The following PACRG variants were observed in gnomAD, a reference collection of about 807,000 sequenced individuals.
PACRG encodes the protein parkin coregulated.
In PACRG, 29 loss-of-function variants were observed where a neutral mutation model predicts 29.7. The ratio of observed to expected loss-of-function variants is 0.98; its 90% confidence interval spans 0.73 to 1.33. The LOEUF (loss-of-function observed/expected upper bound fraction) is 1.33, where lower values mean the gene tolerates loss of function less well. PACRG is among the 40% of genes most tolerant of loss of function. PACRG has a pLI of 0.00. For synonymous variants in PACRG, 116 were observed against 118.7 expected (o/e 0.98, Z 0.15); for missense variants, 279 against 316.2 (o/e 0.88, Z 0.89).
intron 2 of PACRG, among the ~76,000 whole-genome samples, chr6:163,017,166 A>G (rs1187804535): frequency 1.3e-5 from 2 of 152,176 alleles, no homozygotes; most frequent in East Asian, 3.8e-4. Flanking sequence ...AACATTGTAT[A>G]AAAGAATAAG....
At chr6:162,793,728 T>G (rs1001357273) in intron 1 of PACRG, among the ~76,000 whole-genome samples, 3 of 152,238 alleles carry the variant, frequency 2.0e-5, no homozygotes, top group Admixed American at 6.5e-5. Context: ...TTTGGACTCT[T>G]TAGCAAATCT....
intron 2 of PACRG, among the ~76,000 whole-genome samples, chr6:163,054,850 A>C (rs985762942): frequency 2.6e-5 from 4 of 152,122 alleles, no homozygotes; most frequent in African/African-American, 4.8e-5. Flanking sequence ...CCCAGTGGGC[A>C]GGAAAGATGG....
rs980742217 is a variant in PACRG, at chr6:163,089,112, A to G, written c.464-147A>G. 3 of 730,654 alleles carry G rather than the reference A, an allele frequency of 4.1e-6. No homozygotes were observed. In the African/African-American group the frequency reaches 5.4e-5, roughly 13 times the overall value. The allele number at this position is 730,654 out of a possible 1,614,324, so 45.3% of individuals were successfully genotyped here. A position where few individuals can be genotyped will look rare whatever the true frequency, so the allele number is the denominator to read the frequency against. On this transcript the variant is annotated intron_variant, in intron 3 of 4. Coordinates refer to ENST00000366888, the MANE Select transcript of PACRG (RefSeq NM_001080379.2). ...TAAAACATTAGGGTTGCAATGTGTCATCCAAAGCTATAATAATAAAGGCCC... is the reference window on the plus strand; with the variant it reads ...TAAAACATTAGGGTTGCAATGTGTCGTCCAAAGCTATAATAATAAAGGCCC...
intron 4 of PACRG, among the ~76,000 whole-genome samples, chr6:163,185,994 C>G (rs909456638): frequency 6.6e-6 from 1 of 152,170 alleles, no homozygotes; most frequent in Non-Finnish European, 1.5e-5. Context: ...GTGCCCCCTC[C>G]TCTCTCTGTT....
intron 2 of PACRG, among the ~76,000 whole-genome samples, chr6:163,005,764 T>A (rs1424621152): frequency 4.0e-5 from 6 of 149,556 alleles, no homozygotes; most frequent in Non-Finnish European, 7.4e-5. Flanking sequence ...CTCTGAAATT[T>A]TATATATATA....
At chr6:163,115,690 T>C (rs1283853113) in intron 4 of PACRG, among the ~76,000 whole-genome samples, 1 of 152,166 alleles carries the variant, frequency 6.6e-6, no homozygotes, top group Admixed American at 6.5e-5. Context: ...ATGCATCTAC[T>C]GTAATTTATT....
intron 2 of PACRG, among the ~76,000 whole-genome samples, chr6:162,985,058 T>A (rs1281039479): frequency 6.6e-6 from 1 of 151,930 alleles, no homozygotes; most frequent in Non-Finnish European, 1.5e-5. Context: ...ATTGAAATGG[T>A]CATTTAAAAA....
chr6:163,125,822 C>A (rs1418790791), intron 4 of PACRG, among the ~76,000 whole-genome samples: 2 of 152,088 alleles, frequency 1.3e-5, no homozygotes, highest in Admixed American at 1.3e-4. Context: ...GGAAACTATC[C>A]CACAAGAAAT....
chr6:163,169,934 C>T (rs1347142543), intron 4 of PACRG, among the ~76,000 whole-genome samples: 2 of 152,198 alleles, frequency 1.3e-5, no homozygotes, highest in Non-Finnish European at 2.9e-5. Flanking sequence ...TGGACGGCCA[C>T]TTTCTCGCTG....
At chr6:162,759,206 G>T (rs1195259010) in intron 1 of PACRG, among the ~76,000 whole-genome samples, 2 of 152,154 alleles carry the variant, frequency 1.3e-5, no homozygotes, top group African/African-American at 4.8e-5. Flanking sequence ...AGCAGATTCC[G>T]TTGAAGAAAA....
intron 2 of PACRG, among the ~76,000 whole-genome samples, chr6:162,921,361 G>C (rs575685917): frequency 6.6e-6 from 1 of 152,294 alleles, no homozygotes; most frequent in South Asian, 2.1e-4. Context: ...TGTGGTCAGT[G>C]TAAGAAGGAA....
chr6:163,062,068 T>C, intron 2 of PACRG, 82 bp from the exon 3 acceptor site: 1 of 1,434,986 alleles, frequency 7.0e-7, no homozygotes, highest in Non-Finnish European at 9.6e-7. Flanking sequence ...CCCTCTGGAG[T>C]GGGTGACAGC....
At chr6:162,808,167 A>G (rs1786525027) in intron 1 of PACRG, among the ~76,000 whole-genome samples, 1 of 152,208 alleles carries the variant, frequency 6.6e-6, no homozygotes, top group African/African-American at 2.4e-5. Flanking sequence ...TGAATTACAG[A>G]ACTTCTCACT....
At chr6:162,889,336 T>G (rs2128036253) in intron 2 of PACRG, among the ~76,000 whole-genome samples, 1 of 152,330 alleles carries the variant, frequency 6.6e-6, no homozygotes, top group Middle Eastern at 3.4e-3. Flanking sequence ...GATATTCAGT[T>G]TTTGAGATAG....
At chr6:162,765,669 T>C (rs1782729318) in intron 1 of PACRG, among the ~76,000 whole-genome samples, 1 of 152,224 alleles carries the variant, frequency 6.6e-6, no homozygotes, top group African/African-American at 2.4e-5. Context: ...AATAATCTCT[T>C]TTTCTCAAAA....
intron 2 of PACRG, among the ~76,000 whole-genome samples, chr6:162,880,795 C>T (rs555195163): frequency 1.7e-4 from 26 of 152,280 alleles, no homozygotes; most frequent in Non-Finnish European, 2.6e-4. Context: ...TTCCGAGATA[C>T]CCTAAAACTA....
At position 162,903,497 on chromosome 6, in the gene PACRG, A is replaced by G. The variant is rs181334185; in HGVS notation, c.291+89216A>G. Among the ~76,000 whole-genome samples the G allele has an allele frequency of 6.1e-3, 926 of 151,914 alleles. 8 individuals carry two copies. Among genetic ancestry groups the G allele is most frequent in the African/African-American group, 0.017 (701 of 41,522 alleles). Reference sequence around the variant, plus strand: ...AATCATGGCAGAAGGTGAAAGACACATCTTACATGGCGGCAGGCAAGAGAG... The same window carrying G: ...AATCATGGCAGAAGGTGAAAGACACGTCTTACATGGCGGCAGGCAAGAGAG... On this transcript the variant is annotated intron_variant, in intron 2 of 4. Coordinates refer to ENST00000366888, the MANE Select transcript of PACRG (RefSeq NM_001080379.2).
At chr6:163,167,486 A>T (rs983168765) in intron 4 of PACRG, among the ~76,000 whole-genome samples, 5 of 152,202 alleles carry the variant, frequency 3.3e-5, no homozygotes, top group African/African-American at 1.2e-4. Flanking sequence ...AATAAAATGT[A>T]ACATAGTTTA....
chr6:163,276,008 C>CTTCTTTCTTTCTTTCT (rs376811032), intron 4 of PACRG, among the ~76,000 whole-genome samples: 2,304 of 140,666 alleles, frequency 0.016, 21 homozygotes, highest in Middle Eastern at 0.034. Flanking sequence ...TCCTTCCTTC[C>CTTCTTTCTTTCTTTCT]TTCTTTCTTT....
Sources: gnomAD v4.1 joint callset for allele counts (sites outside exome capture counted in the v4.1 genomes callset) on GRCh38, gnomAD v4.1.1 for gene constraint, MANE v1.5 for transcripts, NCBI Gene and HGNC (gene_info 2026-07-23, HGNC 2026-07-21) for gene names.